COL25A1: variants seen among roughly 807,000 people sequenced by gnomAD.
The protein encoded by COL25A1 is collagen alpha-1(XXV) chain.
Under a neutral mutation model 128.4 loss-of-function variants are expected in COL25A1, and 103 were observed. The ratio of observed to expected loss-of-function variants is 0.80; its 90% CI spans 0.68 to 0.94. The LOEUF (loss-of-function observed/expected upper bound fraction) is 0.94, where lower values mean the gene tolerates loss of function less well. Among genes scored for constraint, COL25A1 ranks in the 40% least tolerant of loss-of-function variants. The pLI is 0.00. For missense variants in COL25A1, 745 were observed against 840.0 expected (o/e 0.89, Z 1.40); for synonymous variants, 279 against 277.2 (o/e 1.01, Z -0.06).
At chr4:109,155,503 T>C (rs1771942379) in intron 3 of COL25A1, among the ~76,000 whole-genome samples, 1 of 152,186 alleles carries the variant, frequency 6.6e-6, no homozygotes, top group African/African-American at 2.4e-5. Context: ...CCCAAAATGG[T>C]ATCCTAGAAA....
intron 3 of COL25A1, among the ~76,000 whole-genome samples, chr4:109,250,282 G>A (rs911912919): frequency 1.9e-4 from 27 of 144,680 alleles, no homozygotes; most frequent in Admixed American, 1.4e-4. Context: ...CAACATAAAG[G>A]CTTTAAGGCA....
intron 3 of COL25A1, among the ~76,000 whole-genome samples, chr4:109,208,631 G>A (rs1207495919): frequency 6.6e-6 from 1 of 151,944 alleles, no homozygotes; most frequent in Non-Finnish European, 1.5e-5. Context: ...TAGCTTCACT[G>A]AACAAACTAC....
At chr4:108,929,704 T>C (rs1329044791) in intron 11 of COL25A1, among the ~76,000 whole-genome samples, 1 of 152,010 alleles carries the variant, frequency 6.6e-6, no homozygotes, top group Non-Finnish European at 1.5e-5. Flanking sequence ...GTGCATGCCT[T>C]AGTCCTAGCA....
chr4:109,187,386 G>A (rs1050076471), intron 3 of COL25A1, among the ~76,000 whole-genome samples: 1 of 152,132 alleles, frequency 6.6e-6, no homozygotes, highest in Non-Finnish European at 1.5e-5. Context: ...ATAGATAATG[G>A]AGCCACACTG....
intron 10 of COL25A1, among the ~76,000 whole-genome samples, chr4:108,939,364 CAT>C (rs1747805975): frequency 6.6e-6 from 1 of 152,194 alleles, no homozygotes; most frequent in Non-Finnish European, 1.5e-5. Flanking sequence ...ACTAGCAAAT[CAT>C]ATGTTGAAAG....
Position 108,819,288 on chromosome 4 carries a change from C to T in COL25A1, c.1887G>A (p.Gln629=). ...GVKGEKGEPG[Q]PGLDGLDAPC... is the part of the protein sequence containing the mutation. ...GGGCATCCAGCCCATCCAGGCCAGG[C>T]TGGCCTGGCTCCCCTTTTTCCCCCT... The change falls in exon 36 of 38, where the codon CAG becomes CAA. Residue 629 remains glutamine (Q), a synonymous_variant. Coordinates refer to ENST00000399132, the MANE Select transcript of COL25A1 (RefSeq NM_198721.4). The T allele has an allele frequency of 6.2e-7, 1 of 1,613,428 alleles. No homozygotes were observed. Among genetic ancestry groups the T allele is most frequent in the South Asian group, 1.1e-5 (1 of 91,006 alleles).
chr4:109,047,120 T>C (rs889277705), intron 5 of COL25A1, among the ~76,000 whole-genome samples: 4 of 151,924 alleles, frequency 2.6e-5, no homozygotes, highest in African/African-American at 9.7e-5. Context: ...TCAAAGGGAG[T>C]GTTGCCTAAG....
chr4:109,008,533 G>T (rs1328518934), intron 6 of COL25A1, among the ~76,000 whole-genome samples: 14 of 152,096 alleles, frequency 9.2e-5, no homozygotes, highest in Non-Finnish European at 2.1e-4. Context: ...TAAGACAGAG[G>T]TCCTATTAAA....
chr4:109,118,856 A>G (rs1480038521), intron 3 of COL25A1, among the ~76,000 whole-genome samples: 1 of 152,026 alleles, frequency 6.6e-6, no homozygotes, highest in East Asian at 1.9e-4. Flanking sequence ...AGACCCATCA[A>G]TCAACTGGGG....
chr4:109,017,133 A>G (rs1648029), intron 5 of COL25A1, among the ~76,000 whole-genome samples: 77,755 of 152,146 alleles, frequency 0.51, 22,621 homozygotes, highest in African/African-American at 0.78. Context: ...ATGGGTGCCC[A>G]CAGCAGAAGC....
At position 109,171,079 on chromosome 4, in the gene COL25A1, C is replaced by T. The variant is rs566674022; in HGVS notation, c.368-120900G>A. On this transcript the variant is annotated intron_variant, in intron 3 of 37. Coordinates refer to ENST00000399132, the MANE Select transcript of COL25A1 (RefSeq NM_198721.4). ...AATGAATGAATGTGAACCCTACCAC[C>T]AAGACCTGTTATCCATTGAATCCTA... Among the ~76,000 whole-genome samples, 5 of 152,220 alleles carry T rather than the reference C, an allele frequency of 3.3e-5. No individual in the cohort carries two copies. In the South Asian group the frequency reaches 1.0e-3, roughly 32 times the overall value.
intron 3 of COL25A1, among the ~76,000 whole-genome samples, chr4:109,084,560 T>C (rs978356544): frequency 1.3e-5 from 2 of 152,212 alleles, no homozygotes; most frequent in African/African-American, 4.8e-5. Flanking sequence ...TCTCTAACAC[T>C]ACAGGGGAGC....
Position 109,165,278 on chromosome 4 carries a change from A to G in COL25A1, c.368-115099T>C, listed in dbSNP as rs1772965440. ...AAGTCCTCATGCATGTAGGCTAAGA[A>G]AAAACTTCTTAGCTAACAGTCAAGA... On this transcript the variant is annotated intron_variant, in intron 3 of 37. Transcript: ENST00000399132. Among the ~76,000 whole-genome samples, 5 of 152,168 alleles carry G rather than the reference A, an allele frequency of 3.3e-5. No homozygotes were observed. The South Asian group carries it at 1.0e-3, about 31-fold the overall frequency.
intron 3 of COL25A1, among the ~76,000 whole-genome samples, chr4:109,138,950 G>A (rs112789578): frequency 2.6e-4 from 40 of 152,026 alleles, no homozygotes; most frequent in Admixed American, 2.3e-3. Flanking sequence ...CTTGTGATCC[G>A]CCCACCTCGG....
intron 30 of COL25A1, among the ~76,000 whole-genome samples, chr4:108,844,310 ACTACT>A (rs1244622010): frequency 1.3e-5 from 2 of 152,298 alleles, no homozygotes; most frequent in African/African-American, 4.8e-5. Context: ...CTGTCGCAAA[ACTACT>A]CTATCTCTTC....
intron 14 of COL25A1, among the ~76,000 whole-genome samples, chr4:108,899,922 G>A (rs1014852818): frequency 3.3e-5 from 5 of 152,094 alleles, no homozygotes; most frequent in Non-Finnish European, 1.5e-5. Context: ...AGAGGTTGGA[G>A]CAGGAGAGTA....
chr4:109,176,805 AGAG>A (rs1347677418), intron 3 of COL25A1, among the ~76,000 whole-genome samples: 4 of 152,300 alleles, frequency 2.6e-5, no homozygotes, highest in South Asian at 2.1e-4. Context: ...GGAGGAACAT[AGAG>A]GAGAAGGCCA....
intron 8 of COL25A1, among the ~76,000 whole-genome samples, chr4:108,954,674 A>G (rs1221499737): frequency 6.6e-6 from 1 of 151,104 alleles, no homozygotes; most frequent in Non-Finnish European, 1.5e-5. Context: ...CATTTATCAA[A>G]GAAAATTGTC....
intron 3 of COL25A1, among the ~76,000 whole-genome samples, chr4:109,105,950 C>T (rs1472396364): frequency 6.6e-6 from 1 of 152,100 alleles, no homozygotes; most frequent in Non-Finnish European, 1.5e-5. Context: ...TACTTTATGA[C>T]AATCTTAATT....
Sources: allele counts gnomAD v4.1 joint callset (sites outside exome capture counted in the v4.1 genomes callset), GRCh38; gene constraint gnomAD v4.1.1; transcripts MANE v1.5; gene names NCBI Gene and HGNC (gene_info 2026-07-23, HGNC 2026-07-21).